Variants in DST observed in about 807,000 individuals in gnomAD.
The protein encoded by DST is dystonin.
A neutral mutation model predicts 875.2 loss-of-function variants in DST; 253 were observed. That is an observed-to-expected ratio of 0.29 (90% CI 0.26 to 0.32). DST has a LOEUF of 0.32. DST is among the 10% of genes least tolerant of loss of function. DST has a pLI of 1.00. For missense variants in DST, 8,287 were observed against 9,111.6 expected (o/e 0.91, Z 3.68); for synonymous variants, 3,124 against 3,197.1 (o/e 0.98, Z 0.77).
chr6:56,839,349 TACAA>T (rs2099797282), intron 4 of DST, among the ~76,000 whole-genome samples: 1 of 152,218 alleles, frequency 6.6e-6, no homozygotes, highest in Admixed American at 6.5e-5. Flanking sequence ...TGTTTTCTGT[TACAA>T]ACAGTCAAAC....
chr6:56,841,935 T>C (rs774873664), intron 4 of DST, among the ~76,000 whole-genome samples: 1 of 152,122 alleles, frequency 6.6e-6, no homozygotes, highest in Non-Finnish European at 1.5e-5. Context: ...AATAAGAGTC[T>C]TGGCACAAAG....
chr6:56,675,239 C>A (rs770013615), intron 9 of DST, among the ~76,000 whole-genome samples: 1 of 152,096 alleles, frequency 6.6e-6, no homozygotes, highest in Non-Finnish European at 1.5e-5. Flanking sequence ...TATCTCACAC[C>A]ATATACAAAA....
At chr6:56,742,167 C>T (rs1413418295) in intron 4 of DST, 5 of 676,718 alleles carry the variant, frequency 7.4e-6, no homozygotes, top group South Asian at 1.5e-5. Context: ...GAAAGATGCC[C>T]GACAATCAGC....
At position 56,501,255 on chromosome 6, in the gene DST, A is replaced by C; in HGVS notation, c.19741-20T>G. The C allele has an allele frequency of 1.3e-6, 2 of 1,565,002 alleles. No individual in the cohort carries two copies. Among genetic ancestry groups the C allele is most frequent in the East Asian group, 2.3e-5 (1 of 44,038 alleles). The stretch of plus-strand genomic sequence containing the variant: ...TTTATGCTACAGAAAAAGTGGAAAG[A>C]AAATCCATTTATAAATTTGATATTA... On this transcript the variant is annotated intron_variant, in intron 79 of 103. Transcript: ENST00000680361.
At chr6:56,509,928 T>C (rs764779243) in intron 73 of DST, 55 bp from the exon 74 acceptor site, 140 of 1,336,176 alleles carry the variant, frequency 1.0e-4, no homozygotes, top group Non-Finnish European at 1.4e-4. Context: ...ATACCAAGTG[T>C]GAAATTTAAA....
Position 56,508,799 on chromosome 6 carries a change from C to T in DST, c.19013-44G>A, listed in dbSNP as rs762662387. On this transcript the variant is annotated intron_variant, in intron 74 of 103. Transcript: ENST00000680361. ...TCCACAAGGCGACTGGTTAGCCCCACGTAACCAACAAAGCAGAATGTTATA... is the reference window on the plus strand; with the variant it reads ...TCCACAAGGCGACTGGTTAGCCCCATGTAACCAACAAAGCAGAATGTTATA... 8.9e-6 allele frequency: 13 copies of T among 1,458,704 alleles called. No individual in the cohort carries two copies. In the African/African-American group the frequency reaches 9.8e-5, roughly 11 times the overall value. The allele number at this position is 1,458,704 out of a possible 1,614,324, so 90.4% of individuals were successfully genotyped here. A position where few individuals can be genotyped will look rare whatever the true frequency, so the allele number is the denominator to read the frequency against.
At chr6:56,709,328 G>A (rs2099353399) in intron 5 of DST, among the ~76,000 whole-genome samples, 1 of 152,140 alleles carries the variant, frequency 6.6e-6, no homozygotes, top group Non-Finnish European at 1.5e-5. Flanking sequence ...AATTTATTTT[G>A]GAGTGAGAAC....
Position 56,609,095 on chromosome 6 carries a change from T to A in DST, c.5533A>T (p.Ile1845Phe). The A allele has an allele frequency of 6.2e-7, 1 of 1,613,858 alleles. No individual in the cohort carries two copies. Residue 1845 changes from isoleucine to phenylalanine, a missense_variant, in exon 40 of 104, where the codon ATT becomes TTT. Transcript: ENST00000680361. Reference protein sequence around the residue: ...LKELSKAKEIISAASPTTIPV... With the variant: ...LKELSKAKEIFSAASPTTIPV... ...ATTGTGGTAGGTGACGCAGCAGAAA[T>A]AATCTCCTTAGCTTTACTTAGTTCT... is the stretch of plus-strand genomic sequence containing the variant.
chr6:56,896,945 T>C (rs11963379), intron 3 of DST, among the ~76,000 whole-genome samples: 6,411 of 152,348 alleles, frequency 0.042, 404 homozygotes, highest in African/African-American at 0.14. Flanking sequence ...GTTCCTTTTG[T>C]CATGCAAAAG....
chr6:56,552,557 C>T lies in DST; in HGVS notation c.16235G>A (p.Gly5412Glu), dbSNP rs775546048. 3.2e-5 allele frequency: 52 copies of T among 1,613,854 alleles called. No homozygotes were observed. Among genetic ancestry groups the T allele is most frequent in the Admixed American group, 2.3e-4 (14 of 60,004 alleles). The change falls in exon 61 of 104, where the codon GGG becomes GAG. Residue 5412 changes from glycine to glutamate, a missense_variant. By Grantham distance (98) the Gly-to-Glu change is moderately conservative. This residue lies in a region of DST where 9 missense variants were observed against 25.2 expected (regional missense o/e 0.36). Coordinates refer to ENST00000680361, the MANE Select transcript of DST (RefSeq NM_001374736.1). ...CTTTTGCAATGTTTCTGCATCTCTC[C>T]CCACTGGAGCCATGCTATCCAGTTC... ...DDELDSMAPV[G>E]RDAETLQKQK...
chr6:56,737,087 G>A lies in DST; in HGVS notation c.626-1798C>T, dbSNP rs188288909. On this transcript the variant is annotated intron_variant, in intron 4 of 103. Coordinates refer to ENST00000680361, the MANE Select transcript of DST (RefSeq NM_001374736.1). ...CATGCACCTGTAGTCTCAGCTACTT[G>A]GGAGGCTGAGGTGGGCAAGTCATTT... Among the ~76,000 whole-genome samples the A allele has an allele frequency of 2.1e-3, 321 of 152,326 alleles. 1 individual carries two copies. The highest frequency in any genetic ancestry group is 2.9e-3 in the Admixed American group (44 of 15,298).
intron 2 of DST, 114 bp from the exon 3 acceptor site, chr6:56,900,735 G>T: frequency 1.4e-6 from 1 of 712,878 alleles, no homozygotes; most frequent in Non-Finnish European, 2.0e-6. Flanking sequence ...GTGAGATCAC[G>T]TGCACTCCCA....
intron 102 of DST, chr6:56,460,518 A>C (rs925955193): frequency 3.1e-6 from 1 of 322,722 alleles, no homozygotes; most frequent in East Asian, 5.6e-5. Flanking sequence ...GACCCCCAAA[A>C]CTGAGCATAA....
intron 9 of DST, among the ~76,000 whole-genome samples, chr6:56,673,202 G>A (rs966889170): frequency 1.3e-5 from 2 of 152,070 alleles, no homozygotes; most frequent in Admixed American, 6.6e-5. Context: ...CCATGATCAC[G>A]CCACTGCGCT....
intron 58 of DST, among the ~76,000 whole-genome samples, chr6:56,559,009 C>T (rs913606242): frequency 6.6e-6 from 1 of 152,122 alleles, no homozygotes; most frequent in African/African-American, 2.4e-5. Context: ...CACTTCAACA[C>T]AGTCACTCGA....
At chr6:56,574,513 G>C (rs2097834988) in intron 50 of DST, among the ~76,000 whole-genome samples, 1 of 152,040 alleles carries the variant, frequency 6.6e-6, no homozygotes, top group African/African-American at 2.4e-5. Flanking sequence ...TTAAAGTTAA[G>C]ATTATGCTTC....
chr6:56,465,743 T>C (rs1353722979), intron 99 of DST, among the ~76,000 whole-genome samples: 2 of 152,004 alleles, frequency 1.3e-5, no homozygotes, highest in Non-Finnish European at 2.9e-5. Flanking sequence ...CTTACTTTGC[T>C]ATGTCATAAC....
At chr6:56,653,346 T>C (rs2098986706) in intron 10 of DST, among the ~76,000 whole-genome samples, 1 of 152,054 alleles carries the variant, frequency 6.6e-6, no homozygotes, top group Non-Finnish European at 1.5e-5. Flanking sequence ...AGACAGCAGA[T>C]AAAGAAAATT....
At chr6:56,719,927 A>G (rs995089143) in intron 5 of DST, among the ~76,000 whole-genome samples, 1 of 152,222 alleles carries the variant, frequency 6.6e-6, no homozygotes, top group African/African-American at 2.4e-5. Flanking sequence ...AGGCAGGGCG[A>G]GATCACAGGA....
Sources: gnomAD v4.1 joint callset for allele counts (sites outside exome capture counted in the v4.1 genomes callset) on GRCh38, gnomAD v4.1.1 for gene constraint, gnomAD v4.1.1 regional missense constraint, MANE v1.5 for transcripts, NCBI Gene and HGNC (gene_info 2026-07-23, HGNC 2026-07-21) for gene names.